Variants in DHX35 observed in about 807,000 individuals in gnomAD.
DHX35 encodes the protein probable ATP-dependent RNA helicase DHX35.
Under a neutral mutation model 99.6 loss-of-function variants are expected in DHX35, and 84 were observed. That is an observed-to-expected ratio of 0.84 (90% confidence interval 0.71 to 1.01). The LOEUF (loss-of-function observed/expected upper bound fraction) is 1.01, where lower values mean the gene tolerates loss of function less well. Ranked by LOEUF, DHX35 falls within the 50% of genes least tolerant of loss-of-function variation. The pLI is 0.00. For missense variants in DHX35, 852 were observed against 888.5 expected (o/e 0.96, Z 0.52); for synonymous variants, 331 against 316.2 (o/e 1.05, Z -0.50).
At chr20:38,964,244 G>A (rs1172118709) in intron 1 of DHX35, among the ~76,000 whole-genome samples, 1 of 152,152 alleles carries the variant, frequency 6.6e-6, no homozygotes, top group Admixed American at 6.5e-5. Flanking sequence ...CATGAACAAA[G>A]GCAGAATGGG....
chr20:39,021,035 C>A (rs950686077), intron 15 of DHX35, among the ~76,000 whole-genome samples: 1 of 152,088 alleles, frequency 6.6e-6, no homozygotes, highest in African/African-American at 2.4e-5. Flanking sequence ...GGAGATGGGA[C>A]GAGCAGTGTA....
chr20:38,965,661 A>G (rs1212456248), intron 1 of DHX35, among the ~76,000 whole-genome samples: 2 of 152,162 alleles, frequency 1.3e-5, no homozygotes, highest in Non-Finnish European at 2.9e-5. Flanking sequence ...CTGAATGGGA[A>G]AATTTTATGT....
intron 18 of DHX35, among the ~76,000 whole-genome samples, chr20:39,027,716 G>T (rs2086980541): frequency 6.6e-6 from 1 of 152,176 alleles, no homozygotes; most frequent in Non-Finnish European, 1.5e-5. Context: ...GAAAAAAAAT[G>T]CTGCCAGTTA....
chr20:38,974,038 C>T (rs896251707), intron 3 of DHX35, among the ~76,000 whole-genome samples: 7 of 152,162 alleles, frequency 4.6e-5, no homozygotes, highest in East Asian at 3.8e-4. Context: ...AACGTATGTG[C>T]ACATTCTCCT....
chr20:38,990,396 G>A (rs1041904683), intron 5 of DHX35, among the ~76,000 whole-genome samples: 1 of 152,188 alleles, frequency 6.6e-6, no homozygotes, highest in African/African-American at 2.4e-5. Flanking sequence ...GGCTGTTACT[G>A]TATGTGTCTG....
chr20:38,983,838 C>A, intron 4 of DHX35, 62 bp downstream of exon 4: 1 of 1,453,608 alleles, frequency 6.9e-7, no homozygotes, highest in Non-Finnish European at 9.5e-7. Context: ...GATTTGTTTA[C>A]ATTTCCTAAA....
At chr20:39,016,729 G>A (rs748890365) in intron 14 of DHX35, among the ~76,000 whole-genome samples, 4 of 152,110 alleles carry the variant, frequency 2.6e-5, no homozygotes, top group Non-Finnish European at 5.9e-5. Context: ...GTGTGAAATG[G>A]TATCTCTTGG....
chr20:39,020,195 A>G (rs2086850799), intron 15 of DHX35, among the ~76,000 whole-genome samples: 1 of 152,240 alleles, frequency 6.6e-6, no homozygotes, highest in Non-Finnish European at 1.5e-5. Flanking sequence ...GTTGTAAATA[A>G]TGCTGAAATG....
intron 3 of DHX35, chr20:38,977,986 C>T (rs1233050962): frequency 5.8e-6 from 4 of 686,476 alleles, no homozygotes; most frequent in Admixed American, 1.8e-5. Flanking sequence ...GCTACCACCT[C>T]CAGGGGCAGA....
rs1388196325 is a variant in DHX35 at position 38,979,136 on chromosome 20, C to CT, written c.268-4555dup. 8.0e-5 allele frequency among the ~76,000 whole-genome samples: 12 copies of CT among 150,656 alleles called. No homozygotes were observed. The South Asian group carries it at 1.9e-3, about 24-fold the overall frequency. ...GTCAGGTAATGCCTTCACACTTGGTCTTTTTTTTCACATAATGTATTGTTG... is the reference window on the plus strand; with the variant it reads ...GTCAGGTAATGCCTTCACACTTGGTCTTTTTTTTTCACATAATGTATTGTTG... On this transcript the variant is annotated intron_variant, in intron 3 of 21. Transcript: ENST00000252011.
intron 19 of DHX35, among the ~76,000 whole-genome samples, chr20:39,028,717 A>T (rs185185119): frequency 6.6e-6 from 1 of 152,238 alleles, no homozygotes; most frequent in African/African-American, 2.4e-5. Flanking sequence ...TATATGTTGT[A>T]TGTTTTAGAA....
In DHX35 at chr20:38,989,866, T is replaced by A. The variant is rs144746213; in HGVS notation, c.450+949T>A. 2.6e-5 allele frequency among the ~76,000 whole-genome samples: 4 copies of A among 152,332 alleles called. No homozygotes were observed. In the East Asian group the frequency reaches 7.7e-4, roughly 29 times the overall value. On this transcript the variant is annotated intron_variant, in intron 5 of 21. Transcript: ENST00000252011. ...CTACCACCGTGCTAGAATCAAAGTCTAATCAGACAGTGCAATAAAACAGTG... is the reference window on the plus strand; with the variant it reads ...CTACCACCGTGCTAGAATCAAAGTCAAATCAGACAGTGCAATAAAACAGTG...
At chr20:38,970,498 C>T (rs1385133614) in intron 2 of DHX35, among the ~76,000 whole-genome samples, 2 of 152,242 alleles carry the variant, frequency 1.3e-5, no homozygotes, top group Non-Finnish European at 2.9e-5. Context: ...TGCTTTCTCA[C>T]CACTGAGGGA....
At chr20:39,005,433 G>T (rs2086599740) in intron 11 of DHX35, among the ~76,000 whole-genome samples, 2 of 152,038 alleles carry the variant, frequency 1.3e-5, no homozygotes, top group South Asian at 4.1e-4. Flanking sequence ...TGTTACTCAG[G>T]TCTCTGCTCA....
chr20:39,019,233 T>A (rs112566598), intron 15 of DHX35, among the ~76,000 whole-genome samples: 4 of 152,332 alleles, frequency 2.6e-5, no homozygotes, highest in African/African-American at 9.6e-5. Flanking sequence ...TGAATTTGAC[T>A]GCTCTGAGAA....
At chr20:38,990,975 A>C (rs2086328822) in intron 5 of DHX35, among the ~76,000 whole-genome samples, 1 of 152,204 alleles carries the variant, frequency 6.6e-6, no homozygotes, top group South Asian at 2.1e-4. Context: ...CAGCAGTCTG[A>C]CACCATAGCC....
intron 3 of DHX35, among the ~76,000 whole-genome samples, chr20:38,982,043 T>C (rs1019850696): frequency 2.6e-5 from 4 of 151,836 alleles, no homozygotes; most frequent in African/African-American, 7.3e-5. Context: ...TTAGGAAATA[T>C]ATGTATGAAT....
chr20:38,977,897 CT>C, intron 3 of DHX35: 2 of 576,884 alleles, frequency 3.5e-6, no homozygotes, highest in Non-Finnish European at 3.3e-6. Context: ...TTTACTGGGG[CT>C]TTTTCTTCAG....
intron 20 of DHX35, among the ~76,000 whole-genome samples, chr20:39,032,013 C>T (rs1282101478): frequency 6.6e-6 from 1 of 152,148 alleles, no homozygotes; most frequent in African/African-American, 2.4e-5. Flanking sequence ...TATAACATTT[C>T]AATGGTTAAG....
Sources: gnomAD v4.1 joint callset for allele counts (sites outside exome capture counted in the v4.1 genomes callset) on GRCh38, gnomAD v4.1.1 for gene constraint, MANE v1.5 for transcripts, NCBI Gene and HGNC (gene_info 2026-07-23, HGNC 2026-07-21) for gene names.